CADM2: variants seen among roughly 807,000 people sequenced by gnomAD.
CADM2 encodes the protein cell adhesion molecule 2.
A neutral mutation model predicts 49.8 loss-of-function variants in CADM2; 12 were observed. The observed-to-expected ratio is 0.24, with a 90% CI of 0.15 to 0.39. CADM2 has a LOEUF of 0.39. Among genes scored for constraint, CADM2 ranks in the 10% least tolerant of loss-of-function variants. CADM2 has a pLI of 1.00. For synonymous variants in CADM2, 214 were observed against 175.4 expected, an observed-to-expected ratio of 1.22 and a Z score of -1.74; for missense variants, 378 against 492.3, an observed-to-expected ratio of 0.77 and a Z score of 2.20.
chr3:85,212,886 C>CTTTCTTTCTTTCTTTCTT, intron 1 of CADM2, among the ~76,000 whole-genome samples: 1 of 77,958 alleles, frequency 1.3e-5, no homozygotes, highest in African/African-American at 8.4e-5. Context: ...TTCTTTCTTT[C>CTTTCTTTCTTTCTTTCTT]TCTTTCTTTC....
At chr3:85,658,576 G>GTATATATATATATATA (rs397990421) in intron 1 of CADM2, among the ~76,000 whole-genome samples, 6 of 68,728 alleles carry the variant, frequency 8.7e-5, no homozygotes, top group Admixed American at 1.9e-4. Context: ...GGATATATGT[G>GTATATATATATATATA]TATATATATA....
At chr3:85,441,514 C>T (rs918675954) in intron 1 of CADM2, among the ~76,000 whole-genome samples, 1 of 151,774 alleles carries the variant, frequency 6.6e-6, no homozygotes, top group Non-Finnish European at 1.5e-5. Flanking sequence ...TTTAATTTTC[C>T]TCATCTTTAT....
chr3:85,230,215 CT>C (rs556332802), intron 1 of CADM2, among the ~76,000 whole-genome samples: 10,052 of 152,154 alleles, frequency 0.066, 1,086 homozygotes, highest in African/African-American at 0.23. Context: ...TGGTGGTAGA[CT>C]TCAGATCTTT....
At chr3:85,938,722 G>T (rs540856767) in intron 7 of CADM2, among the ~76,000 whole-genome samples, 4 of 151,784 alleles carry the variant, frequency 2.6e-5, no homozygotes, top group African/African-American at 9.7e-5. Flanking sequence ...CTATAGCTTA[G>T]TATTAAGTAA....
chr3:85,418,260 A>C (rs2036004191), intron 1 of CADM2, among the ~76,000 whole-genome samples: 2 of 152,246 alleles, frequency 1.3e-5, no homozygotes, highest in African/African-American at 4.8e-5. Context: ...ACAAGACAAA[A>C]AGTGAACCCT....
At chr3:85,397,375 A>G (rs1338775933) in intron 1 of CADM2, among the ~76,000 whole-genome samples, 4 of 152,198 alleles carry the variant, frequency 2.6e-5, no homozygotes, top group Non-Finnish European at 5.9e-5. Flanking sequence ...AGAATTATGT[A>G]TGTGATTATA....
intron 1 of CADM2, among the ~76,000 whole-genome samples, chr3:85,505,579 G>C (rs1409218523): frequency 6.6e-6 from 1 of 152,144 alleles, no homozygotes; most frequent in Non-Finnish European, 1.5e-5. Context: ...AATGTGTTTT[G>C]CTTTTGATTT....
intron 1 of CADM2, among the ~76,000 whole-genome samples, chr3:85,212,033 C>T (rs2041791707): frequency 6.6e-6 from 1 of 152,008 alleles, no homozygotes; most frequent in Admixed American, 6.5e-5. Flanking sequence ...ACATAATGAC[C>T]TTCTTTGTCT....
intron 1 of CADM2, among the ~76,000 whole-genome samples, chr3:85,027,277 GCTAA>G (rs2085538241): frequency 1.3e-5 from 2 of 151,452 alleles, no homozygotes; most frequent in African/African-American, 2.4e-5. Context: ...ACCAAGCCCG[GCTAA>G]CTTTTTGTAT....
intron 8 of CADM2, among the ~76,000 whole-genome samples, chr3:85,963,775 G>A (rs900523869): frequency 6.6e-6 from 1 of 151,824 alleles, no homozygotes; most frequent in Non-Finnish European, 1.5e-5. Flanking sequence ...CTACCTTTAG[G>A]TAGTTGGCAG....
intron 1 of CADM2, among the ~76,000 whole-genome samples, chr3:85,290,888 T>C (rs923340201): frequency 1.8e-4 from 28 of 152,170 alleles, no homozygotes; most frequent in African/African-American, 6.3e-4. Context: ...CGCCTCTCCT[T>C]CTCAAAAGGA....
chr3:85,332,586 T>C, intron 1 of CADM2, among the ~76,000 whole-genome samples: 1 of 152,120 alleles, frequency 6.6e-6, no homozygotes, highest in African/African-American at 2.4e-5. Context: ...GACTTAGTTA[T>C]ATTTTCACTT....
chr3:85,955,064 A>G (rs1723884829), intron 7 of CADM2, among the ~76,000 whole-genome samples: 2 of 151,428 alleles, frequency 1.3e-5, no homozygotes, highest in Admixed American at 1.3e-4. Context: ...TGCATAAGGC[A>G]TAAAGTTACT....
intron 1 of CADM2, among the ~76,000 whole-genome samples, chr3:85,544,317 G>T (rs1267126203): frequency 1.3e-5 from 2 of 152,124 alleles, no homozygotes; most frequent in East Asian, 3.9e-4. Flanking sequence ...GGTTGCTCAC[G>T]CCTGTAATCC....
chr3:85,929,926 C>A (rs1420811365), intron 6 of CADM2, among the ~76,000 whole-genome samples: 1 of 152,000 alleles, frequency 6.6e-6, no homozygotes, highest in African/African-American at 2.4e-5. Flanking sequence ...TGACATAGAT[C>A]TTTATCAAAA....
intron 8 of CADM2, chr3:85,992,766 C>T (rs1426215929): frequency 6.6e-6 from 1 of 152,196 alleles, no homozygotes; most frequent in Non-Finnish European, 1.5e-5. Flanking sequence ...AATTTCTTTG[C>T]TGCTGGAGCA....
At chr3:85,055,917 A>G (rs1484748544) in intron 1 of CADM2, among the ~76,000 whole-genome samples, 1 of 151,990 alleles carries the variant, frequency 6.6e-6, no homozygotes, top group Non-Finnish European at 1.5e-5. Context: ...AAGATTTGAG[A>G]AGCACCACTC....
At chr3:85,748,592 C>T (rs1272776940) in intron 2 of CADM2, among the ~76,000 whole-genome samples, 1 of 152,032 alleles carries the variant, frequency 6.6e-6, no homozygotes. Flanking sequence ...TCACATCACG[C>T]ATTTCTCAGT....
intron 1 of CADM2, among the ~76,000 whole-genome samples, chr3:85,247,516 T>A (rs1418044713): frequency 6.6e-6 from 1 of 152,144 alleles, no homozygotes; most frequent in African/African-American, 2.4e-5. Context: ...GCAAAAGGAT[T>A]TGTCTTTTCA....
Sources: allele counts gnomAD v4.1 joint callset (sites outside exome capture counted in the v4.1 genomes callset), GRCh38; gene constraint gnomAD v4.1.1; transcripts MANE v1.5; gene names NCBI Gene and HGNC (gene_info 2026-07-23, HGNC 2026-07-21).